Variants in CNPPD1 observed in about 807,000 individuals in gnomAD.
CNPPD1 encodes the protein protein CNPPD1.
In CNPPD1, 40 loss-of-function variants were observed where a neutral mutation model predicts 43.7. That is an observed-to-expected ratio of 0.92 (90% CI 0.71 to 1.19). The LOEUF (loss-of-function observed/expected upper bound fraction) is 1.19. Ranked by LOEUF, CNPPD1 falls within the 50% of genes most tolerant of loss-of-function variation. The probability of loss-of-function intolerance (pLI) is 0.00; values close to 1 mark genes in which losing one functional copy is unlikely to be tolerated. For synonymous variants in CNPPD1, 208 were observed against 214.3 expected, an observed-to-expected ratio of 0.97 and a Z score of 0.26; for missense variants, 511 against 518.5, an observed-to-expected ratio of 0.99 and a Z score of 0.14.
At chr2:219,177,117 A>C, upstream of CNPPD1, 1 of 348,284 alleles carries the variant, frequency 2.9e-6, no homozygotes, top group African/African-American at 2.1e-5. Context: ...GCGGAGCAGA[A>C]AGGAGATGCG....
At position 219,174,874 on chromosome 2, in the gene CNPPD1, C is replaced by T. The variant is rs776355868; in HGVS notation, c.414G>A (p.Gly138=). ...CGTCGTTGAAGACCTCCTCCTCCTC[C>T]CCTTCATCATAGAGGTACTTACTGG... ...MVASKYLYDE[G]EEEEVFNDEW... Residue 138 remains glycine (G), a synonymous_variant, in exon 5 of 8, where the codon GGG becomes GGA. Transcript: ENST00000360507. 3.7e-5 allele frequency: 59 copies of T among 1,614,048 alleles called. 1 individual carries two copies. The South Asian group carries it at 5.1e-4, about 14-fold the overall frequency.
At chr2:219,173,599 G>C in intron 6 of CNPPD1, 132 bp from the exon 7 acceptor site, 1 of 613,750 alleles carries the variant, frequency 1.6e-6, no homozygotes, top group Non-Finnish European at 2.9e-6. Flanking sequence ...GCTATCTGCT[G>C]ATCTAGAAAC....
Position 219,172,769 on chromosome 2 carries a change from A to G in CNPPD1, c.1050T>C (p.His350=). 2 of 1,609,116 alleles carry G rather than the reference A, an allele frequency of 1.2e-6. No homozygotes were observed. Among genetic ancestry groups the G allele is most frequent in the Admixed American group, 1.7e-5 (1 of 59,462 alleles). The change falls in exon 8 of 8, where the codon CAT becomes CAC. Residue 350 remains histidine (H), a synonymous_variant. Coordinates refer to ENST00000360507, the MANE Select transcript of CNPPD1 (RefSeq NM_015680.6). Reference sequence around the variant, plus strand: ...CTGTACGGTTGGGGTGGAGGCAGGCATGGCAGGTTGGGGAGTCTCTCTGGA... The same window carrying G: ...CTGTACGGTTGGGGTGGAGGCAGGCGTGGCAGGTTGGGGAGTCTCTCTGGA... ...QKLQRDSPTC[H]ACLHPNRTVP...
At chr2:219,174,481 A>G (rs2106386684) in intron 5 of CNPPD1, among the ~76,000 whole-genome samples, 1 of 152,354 alleles carries the variant, frequency 6.6e-6, no homozygotes, top group Middle Eastern at 3.4e-3. Flanking sequence ...GGGCAGAGAA[A>G]GTATGGACAC....
In CNPPD1 at chr2:219,175,623, T is replaced by C; in HGVS notation, c.228A>G (p.Arg76=). 1 of 1,613,230 alleles carries C rather than the reference T, an allele frequency of 6.2e-7. No homozygotes were observed. The highest frequency in any genetic ancestry group is 8.5e-7 in the Non-Finnish European group (1 of 1,179,746). ...CATGAGCTACATATTTCTTCTGGAG[T>C]CGGCGAATAGGGCTGGGGGCTGCCT... The part of the protein sequence containing the change: ...LQKAAPSPIR[R]LQKKYVAHVS... Residue 76 remains arginine (R), a synonymous_variant, in exon 3 of 8, where the codon CGA becomes CGG. Coordinates refer to ENST00000360507, the MANE Select transcript of CNPPD1 (RefSeq NM_015680.6).
chr2:219,172,538 G>A lies in CNPPD1; in HGVS notation c.*48C>T. On this transcript the variant is annotated 3_prime_UTR_variant, in exon 8 of 8. Coordinates refer to ENST00000360507, the MANE Select transcript of CNPPD1 (RefSeq NM_015680.6). ...TCTGAATCAAGCTTTGCTCCTCCAG[G>A]TTCTCAGAAACTCCCAAACCCTCTT... 4 of 1,594,050 alleles carry A rather than the reference G, an allele frequency of 2.5e-6. No individual in the cohort carries two copies. The highest frequency in any genetic ancestry group is 3.4e-6 in the Non-Finnish European group (4 of 1,162,460).
At position 219,172,698 on chromosome 2, in the gene CNPPD1, G is replaced by A. The variant is rs766111362; in HGVS notation, c.1121C>T (p.Ala374Val). ...SSPWYHTYGL[A>V]PPWPWSPVLL... The stretch of plus-strand genomic sequence containing the variant: ...CACCGGGCTCCAAGGCCAGGGGGGA[G>A]CCAGGCCATAGGTATGGTACCAGGG... Residue 374 changes from alanine to valine, a missense_variant, in exon 8 of 8, where the codon GCT (alanine) becomes GTT (valine). Coordinates refer to ENST00000360507, the MANE Select transcript of CNPPD1 (RefSeq NM_015680.6). 1.6e-5 allele frequency: 26 copies of A among 1,613,880 alleles called. No individual in the cohort carries two copies. In the East Asian group the frequency reaches 5.6e-4, roughly 35 times the overall value.
rs767979514 is a variant in CNPPD1, at chr2:219,175,591, C to T, written c.260G>A (p.Arg87Gln). The T allele has an allele frequency of 6.8e-6, 11 of 1,612,864 alleles. No individual in the cohort carries two copies. The highest frequency in any genetic ancestry group is 1.3e-5 in the African/African-American group (1 of 74,858). ...ATCCTATCCTCATTTCCAGGCTCACCGGGACACATGAGCTACATATTTCTT... is the reference window on the plus strand; with the variant it reads ...ATCCTATCCTCATTTCCAGGCTCACTGGGACACATGAGCTACATATTTCTT... ...LQKKYVAHVS[R>Q]EACISPCAMM... The change falls in exon 3 of 8, where the codon CGG becomes CAG. Residue 87 changes from arginine (R) to glutamine (Q), a missense_variant and splice_region_variant. Arg to Gln is a conservative substitution (Grantham distance 43). Coordinates refer to ENST00000360507, the MANE Select transcript of CNPPD1 (RefSeq NM_015680.6).
rs180886129 is a variant in CNPPD1, at chr2:219,174,217, C to T, written c.511-10G>A. 64 of 1,613,934 alleles carry T rather than the reference C, an allele frequency of 4.0e-5. No individual in the cohort carries two copies. In the East Asian group the frequency reaches 6.5e-4, roughly 16 times the overall value. On this transcript the variant is annotated splice_polypyrimidine_tract_variant and intron_variant, in intron 5 of 7. Coordinates refer to ENST00000360507, the MANE Select transcript of CNPPD1 (RefSeq NM_015680.6). ...TGTAGAGATGCCAATCCTGTGAGTA[C>T]GGAGAGTGGACATCAAACCAGACTT... is the stretch of plus-strand genomic sequence containing the variant.
In CNPPD1 at chr2:219,175,675, G is replaced by A. The variant is rs368263963; in HGVS notation, c.179-3C>T. The A allele has an allele frequency of 2.7e-5, 44 of 1,613,492 alleles. No individual in the cohort carries two copies. In the Middle Eastern group the frequency reaches 8.2e-4, roughly 30 times the overall value. ...CTGGAGCAGTTCGACAGCAATGTCT[G>A]CAAGGGACAGAAGGAAGGCCGAGTG... On this transcript the variant is annotated splice_region_variant and splice_polypyrimidine_tract_variant and intron_variant, in intron 2 of 7. Transcript: ENST00000360507.
At chr2:219,175,300 C>T (rs1950141396) in intron 3 of CNPPD1, among the ~76,000 whole-genome samples, 192 bp from the exon 4 acceptor site, 5 of 152,076 alleles carry the variant, frequency 3.3e-5, no homozygotes, top group Admixed American at 3.3e-4. Flanking sequence ...AGTTTGACAC[C>T]AGCCTGGCCA....
chr2:219,176,678 A>G, intron 1 of CNPPD1, 82 bp downstream of exon 1: 2 of 1,091,376 alleles, frequency 1.8e-6, no homozygotes, highest in Non-Finnish European at 2.7e-6. Context: ...GTCCCGGCAC[A>G]GCAGTCAGGC....
At chr2:219,177,475 A>G (rs1396246924), upstream of CNPPD1, among the ~76,000 whole-genome samples, 2 of 152,218 alleles carry the variant, frequency 1.3e-5, no homozygotes, top group Non-Finnish European at 2.9e-5. Flanking sequence ...AGCAATGCAT[A>G]TGAAAAGCGT....
intron 3 of CNPPD1, 24 bp downstream of exon 3, chr2:219,175,567 T>A (rs774859792): frequency 6.3e-6 from 10 of 1,586,882 alleles, no homozygotes; most frequent in Non-Finnish European, 8.7e-6. Flanking sequence ...AACACTCTCA[T>A]CCTATCCTCA....
rs943627090 is a variant in CNPPD1 at position 219,172,696 on chromosome 2, G to T, written c.1123C>A (p.Pro375Thr). The T allele has an allele frequency of 3.1e-6, 5 of 1,613,876 alleles. No individual in the cohort carries two copies. The highest frequency in any genetic ancestry group is 4.2e-6 in the Non-Finnish European group (5 of 1,179,926). ...AGCACCGGGCTCCAAGGCCAGGGGG[G>T]AGCCAGGCCATAGGTATGGTACCAG... ...SPWYHTYGLA[P>T]PWPWSPVLLS... Residue 375 changes from proline to threonine, a missense_variant, in exon 8 of 8, where the codon CCC (proline) becomes ACC (threonine). Transcript: ENST00000360507.
Position 219,172,923 on chromosome 2 carries a change from A to T in CNPPD1, c.896T>A (p.Leu299Gln). The T allele has an allele frequency of 6.2e-7, 1 of 1,612,938 alleles. No homozygotes were observed. Among genetic ancestry groups the T allele is most frequent in the Non-Finnish European group, 8.5e-7 (1 of 1,179,370 alleles). ...LPSLANVSSCLEGSMGLRSLW... is the reference protein window; with the variant it reads ...LPSLANVSSCQEGSMGLRSLW... The stretch of plus-strand genomic sequence containing the variant: ...TGACCGCAGCCCCATGCTGCCTTCC[A>T]GGCAGCTGGAGACATTAGCGAGAGA... Residue 299 changes from leucine (L) to glutamine (Q), a missense_variant, in exon 8 of 8, where the codon CTG (leucine) becomes CAG (glutamine). By Grantham distance (113) the Leu-to-Gln change is moderately radical. Transcript: ENST00000360507.
intron 3 of CNPPD1, 22 bp downstream of exon 3, chr2:219,175,569 C>A: frequency 6.3e-7 from 1 of 1,596,790 alleles, no homozygotes; most frequent in South Asian, 1.1e-5. Context: ...CACTCTCATC[C>A]TATCCTCATT....
Position 219,172,533 on chromosome 2 carries a change from TC to T in CNPPD1, c.*52del. On this transcript the variant is annotated 3_prime_UTR_variant, in exon 8 of 8. Transcript: ENST00000360507. ...CAGGATCTGAATCAAGCTTTGCTCC[TC>T]CAGGTTCTCAGAAACTCCCAAACCC... is the stretch of plus-strand genomic sequence containing the variant. 1 of 1,586,548 alleles carries T rather than the reference TC, an allele frequency of 6.3e-7. No homozygotes were observed. The highest frequency in any genetic ancestry group is 8.7e-7 in the Non-Finnish European group (1 of 1,155,806).
intron 2 of CNPPD1, among the ~76,000 whole-genome samples, 178 bp downstream of exon 2, chr2:219,176,044 GT>G (rs1950153401): frequency 6.6e-6 from 1 of 152,190 alleles, no homozygotes; most frequent in Admixed American, 6.5e-5. Flanking sequence ...TGGCAGCAAT[GT>G]TTTTTATTCA....
Sources: gnomAD v4.1 joint callset for allele counts (sites outside exome capture counted in the v4.1 genomes callset) on GRCh38, gnomAD v4.1.1 for gene constraint, MANE v1.5 for transcripts, NCBI Gene and HGNC (gene_info 2026-07-23, HGNC 2026-07-21) for gene names.